Variants in TFEC observed in about 807,000 individuals in gnomAD.
The protein encoded by TFEC is class E basic helix-loop-helix protein 34.
A neutral mutation model predicts 41.6 loss-of-function variants in TFEC; 31 were observed. That is an observed-to-expected ratio of 0.74 (90% CI 0.56 to 1.01). The LOEUF is 1.01. TFEC is among the 50% of genes least tolerant of loss of function. The pLI, the probability that TFEC is intolerant of heterozygous loss-of-function variation, is 0.00. For missense variants in TFEC, 402 were observed against 404.1 expected (o/e 0.99, Z 0.04); for synonymous variants, 143 against 140.6 (o/e 1.02, Z -0.12).
At chr7:116,029,894 A>G (rs1000781320) in intron 1 of TFEC, among the ~76,000 whole-genome samples, 6 of 121,294 alleles carry the variant, frequency 4.9e-5, no homozygotes, top group Non-Finnish European at 3.4e-5. Flanking sequence ...CTGCGTCTCT[A>G]CTAAAGATAC....
intron 2 of TFEC, among the ~76,000 whole-genome samples, chr7:115,974,787 T>C (rs1312536548): frequency 6.6e-6 from 1 of 151,814 alleles, no homozygotes; most frequent in Non-Finnish European, 1.5e-5. Flanking sequence ...GACGGAAACA[T>C]TTCATCCTAC....
intron 6 of TFEC, among the ~76,000 whole-genome samples, chr7:115,947,048 C>A (rs1791622485): frequency 1.4e-5 from 2 of 148,092 alleles, no homozygotes; most frequent in African/African-American, 4.9e-5. Context: ...TTAGGTATAT[C>A]TCCCAATGCT....
chr7:116,036,589 C>G (rs1438009516), intron 3 of TFEC, among the ~76,000 whole-genome samples: 1 of 152,038 alleles, frequency 6.6e-6, no homozygotes, highest in Admixed American at 6.6e-5. Flanking sequence ...CCCATCAAAA[C>G]TAATGCTGTA....
At chr7:115,968,287 A>C in intron 3 of TFEC, 1 of 1,520,610 alleles carries the variant, frequency 6.6e-7, no homozygotes, top group Non-Finnish European at 8.8e-7. Context: ...TAACCAAGAG[A>C]ACTGTGTGGA....
Position 115,984,393 on chromosome 7 carries a change from G to T in TFEC, c.49C>A (p.Pro17Thr). Residue 17 changes from proline to threonine, a missense_variant, in exon 2 of 8, where the codon CCT becomes ACT. Coordinates refer to ENST00000265440, the MANE Select transcript of TFEC (RefSeq NM_012252.4). ...IINPTLKWSQ[P>T]AVPSGGPLVQ... Reference sequence around the variant, plus strand: ...AGAGGCCCACCACTTGGCACTGCAGGTTGTGACCATTTAAGAGTTGGATTG... The same window carrying T: ...AGAGGCCCACCACTTGGCACTGCAGTTTGTGACCATTTAAGAGTTGGATTG... The T allele has an allele frequency of 6.2e-7, 1 of 1,614,160 alleles. No individual in the cohort carries two copies. Among genetic ancestry groups the T allele is most frequent in the Middle Eastern group, 1.7e-4 (1 of 6,060 alleles).
chr7:116,078,837 A>T (rs1797021155), intron 3 of TFEC, among the ~76,000 whole-genome samples: 1 of 152,152 alleles, frequency 6.6e-6, no homozygotes, highest in African/African-American at 2.4e-5. Flanking sequence ...CTATGAAGTC[A>T]ATATCACCCT....
chr7:116,023,084 A>G (rs1446138894), intron 1 of TFEC, among the ~76,000 whole-genome samples: 2 of 84,072 alleles, frequency 2.4e-5, no homozygotes, highest in African/African-American at 7.2e-5. Flanking sequence ...TTCTTCCAGC[A>G]AAAAAAAAAA....
At chr7:115,944,464 C>T (rs570844468) in intron 6 of TFEC, among the ~76,000 whole-genome samples, 3 of 151,472 alleles carry the variant, frequency 2.0e-5, no homozygotes, top group Non-Finnish European at 2.9e-5. Flanking sequence ...TCAACCTGTA[C>T]GTCTCAATTA....
intron 1 of TFEC, among the ~76,000 whole-genome samples, chr7:116,115,696 C>T (rs940025036): frequency 5.3e-5 from 8 of 151,874 alleles, no homozygotes; most frequent in South Asian, 2.1e-4. Context: ...CCACAAGTTC[C>T]GGGGATTAGG....
chr7:116,048,520 G>GT, intron 3 of TFEC, among the ~76,000 whole-genome samples: 1 of 152,322 alleles, frequency 6.6e-6, no homozygotes, highest in South Asian at 2.1e-4. Flanking sequence ...GTACCTGAAA[G>GT]TGACAGGGAG....
intron 3 of TFEC, among the ~76,000 whole-genome samples, chr7:116,047,457 G>T (rs895776999): frequency 6.6e-6 from 1 of 152,128 alleles, no homozygotes; most frequent in Non-Finnish European, 1.5e-5. Context: ...TGGGGGAGGG[G>T]TGTCCACCAT....
chr7:116,101,228 G>C (rs1797598296), intron 3 of TFEC, among the ~76,000 whole-genome samples: 1 of 141,892 alleles, frequency 7.0e-6, no homozygotes, highest in South Asian at 2.2e-4. Context: ...AACTAGGCTG[G>C]GATAAGAGGA....
At chr7:116,096,599 T>TC (rs1338578909) in intron 3 of TFEC, among the ~76,000 whole-genome samples, 1 of 151,990 alleles carries the variant, frequency 6.6e-6, no homozygotes, top group African/African-American at 2.4e-5. Context: ...GTTTTTTTTT[T>TC]CCACTTGTAT....
intron 6 of TFEC, among the ~76,000 whole-genome samples, chr7:115,942,864 A>G (rs975499181): frequency 6.6e-6 from 1 of 152,070 alleles, no homozygotes; most frequent in African/African-American, 2.4e-5. Flanking sequence ...ATGAGAACTA[A>G]TAATATGTTT....
At chr7:115,945,100 T>C (rs1791459592) in intron 6 of TFEC, among the ~76,000 whole-genome samples, 1 of 139,936 alleles carries the variant, frequency 7.1e-6, no homozygotes, top group Non-Finnish European at 1.5e-5. Context: ...CAACAAGTTA[T>C]TCAAAAATTT....
chr7:116,060,141 A>G lies in TFEC; in HGVS notation c.198+50567T>C, dbSNP rs1796518646. On this transcript the variant is annotated intron_variant, in intron 3 of 8. Coordinates refer to the TFEC transcript ENST00000484212. ...GTTTCAGGATACAAAATCAATATGT[A>G]AAAATGAATGACAGTTTTATACACT... is the stretch of plus-strand genomic sequence containing the variant. Among the ~76,000 whole-genome samples the G allele has an allele frequency of 2.0e-5, 3 of 152,266 alleles. No homozygotes were observed. The South Asian group carries it at 6.2e-4, about 31-fold the overall frequency.
intron 3 of TFEC, among the ~76,000 whole-genome samples, chr7:116,045,589 T>C (rs1049407403): frequency 2.0e-5 from 3 of 152,228 alleles, no homozygotes; most frequent in Non-Finnish European, 4.4e-5. Context: ...ATTGCCTCGA[T>C]GCCCAGGCAA....
intron 3 of TFEC, among the ~76,000 whole-genome samples, chr7:116,088,827 C>T (rs11766400): frequency 0.17 from 25,462 of 151,784 alleles, 2,266 homozygotes; most frequent in East Asian, 0.36. Context: ...CACACACATA[C>T]ACATAAACAC....
chr7:115,958,273 G>A, intron 3 of TFEC, among the ~76,000 whole-genome samples: 1 of 151,798 alleles, frequency 6.6e-6, no homozygotes, highest in East Asian at 1.9e-4. Context: ...ATTATTCTTT[G>A]GAAGAAATCC....
Sources: allele counts gnomAD v4.1 joint callset (sites outside exome capture counted in the v4.1 genomes callset), GRCh38; gene constraint gnomAD v4.1.1; transcripts MANE v1.5; gene names NCBI Gene and HGNC (gene_info 2026-07-23, HGNC 2026-07-21).